Variants in NDUFS3 observed in about 807,000 individuals in gnomAD.
NDUFS3 encodes NADH dehydrogenase [ubiquinone] iron-sulfur protein 3, mitochondrial.
A neutral mutation model predicts 30.8 loss-of-function variants in NDUFS3; 19 were observed. The observed-to-expected ratio is 0.62, with a 90% confidence interval of 0.43 to 0.91. The LOEUF (loss-of-function observed/expected upper bound fraction) is 0.91, where lower values mean the gene tolerates loss of function less well. Among genes scored for constraint, NDUFS3 ranks in the 40% least tolerant of loss-of-function variants. NDUFS3 has a pLI of 0.00. For synonymous variants in NDUFS3, 153 were observed against 135.8 expected (o/e 1.13, Z -0.88); for missense variants, 331 against 342.0 (o/e 0.97, Z 0.25).
chr11:47,579,589 A>G (rs1315070470), intron 2 of NDUFS3: 4 of 601,310 alleles, frequency 6.7e-6, no homozygotes, highest in Non-Finnish European at 8.9e-6. Context: ...AGCAAGCAAT[A>G]TAACCTTTAG....
chr11:47,583,286 A>C (rs1279578169), intron 6 of NDUFS3, among the ~76,000 whole-genome samples: 2 of 152,118 alleles, frequency 1.3e-5, no homozygotes, highest in Non-Finnish European at 2.9e-5. Context: ...CCTGGGCTCA[A>C]GTCATCTGCC....
intron 6 of NDUFS3, 133 bp from the exon 7 acceptor site, chr11:47,584,181 A>G (rs1369791177): frequency 8.6e-7 from 1 of 1,167,412 alleles, no homozygotes; most frequent in Admixed American, 1.7e-5. Flanking sequence ...ACTTACTGAC[A>G]GAGGCTGGGA....
Position 47,582,320 on chromosome 11 carries a change from T to C in NDUFS3, c.508-29T>C, listed in dbSNP as rs760534586. On this transcript the variant is annotated intron_variant, in intron 5 of 6. Coordinates refer to ENST00000263774, the MANE Select transcript of NDUFS3 (RefSeq NM_004551.3). ...TCCCCCTGTTGTTAGTCTTGATGGA[T>C]TGGCTGTTTGAGGTGGTCTCTTTCC... The C allele has an allele frequency of 7.4e-6, 12 of 1,614,224 alleles. No individual in the cohort carries two copies. The Admixed American group carries it at 2.0e-4, about 27-fold the overall frequency.
chr11:47,582,137 A>T lies in NDUFS3; in HGVS notation c.431A>T (p.Lys144Met). Residue 144 changes from lysine (K) to methionine (M), a missense_variant, in exon 5 of 7, where the codon AAG (lysine) becomes ATG (methionine). Lys to Met is a moderately conservative substitution (Grantham distance 95). Coordinates refer to ENST00000263774, the MANE Select transcript of NDUFS3 (RefSeq NM_004551.3). ...CGCTTCAACTCACGGATCCGTGTGA[A>T]GACCTACACAGATGAGCTGACGCCC... ...SLRFNSRIRVKTYTDELTPIE... is the reference protein window; with the variant it reads ...SLRFNSRIRVMTYTDELTPIE... 2 of 1,614,096 alleles carry T rather than the reference A, an allele frequency of 1.2e-6. No homozygotes were observed. The highest frequency in any genetic ancestry group is 1.7e-6 in the Non-Finnish European group (2 of 1,179,980).
At chr11:47,581,919 G>A in intron 4 of NDUFS3, 169 bp from the exon 5 acceptor site, 1 of 860,872 alleles carries the variant, frequency 1.2e-6, no homozygotes, top group Non-Finnish European at 1.9e-6. Flanking sequence ...GCAAACACAG[G>A]CATGCTGACA....
At chr11:47,581,300 C>T in intron 4 of NDUFS3, 1 of 363,318 alleles carries the variant, frequency 2.8e-6, no homozygotes, top group South Asian at 2.3e-5. Context: ...ACTACAGGTG[C>T]ATGCCACCAC....
At chr11:47,580,695 G>A (rs757409590) in intron 3 of NDUFS3, 73 bp downstream of exon 3, 1 of 1,586,610 alleles carries the variant, frequency 6.3e-7, no homozygotes, top group Admixed American at 1.7e-5. Flanking sequence ...GGAGTGGGCA[G>A]ACTTGTTTCA....
chr11:47,582,596 G>C (rs538399591), intron 6 of NDUFS3, 128 bp downstream of exon 6: 2 of 1,451,244 alleles, frequency 1.4e-6, no homozygotes, highest in East Asian at 4.6e-5. Flanking sequence ...CCTGGATTCA[G>C]ATCCTAGCTT....
chr11:47,582,527 G>C (rs200717323), intron 6 of NDUFS3, 59 bp downstream of exon 6: 310 of 1,610,978 alleles, frequency 1.9e-4, no homozygotes, highest in Non-Finnish European at 3.0e-5. Flanking sequence ...GAACCCAGGG[G>C]ATCCCTGGGA....
At chr11:47,581,274 C>T (rs2097268684) in intron 4 of NDUFS3, 2 of 400,826 alleles carry the variant, frequency 5.0e-6, no homozygotes, top group Non-Finnish European at 9.4e-6. Context: ...CTGCCTCAGC[C>T]CCTTGAGTAG....
At chr11:47,584,258 T>G in intron 6 of NDUFS3, 56 bp from the exon 7 acceptor site, 1 of 1,610,956 alleles carries the variant, frequency 6.2e-7, no homozygotes, top group Non-Finnish European at 8.5e-7. Flanking sequence ...AGTAGGCTCC[T>G]GTGTAGCTAT....
At chr11:47,580,389 CT>C in intron 2 of NDUFS3, 135 bp from the exon 3 acceptor site, 1 of 821,928 alleles carries the variant, frequency 1.2e-6, no homozygotes, top group Non-Finnish European at 2.0e-6. Flanking sequence ...GAAGGGAAAC[CT>C]TTCACATGCA....
chr11:47,579,686 T>C (rs908871663), intron 2 of NDUFS3: 4 of 448,202 alleles, frequency 8.9e-6, no homozygotes, highest in Non-Finnish European at 1.6e-5. Flanking sequence ...TAGTGAATGA[T>C]CTTATTTCGT....
intron 2 of NDUFS3, among the ~76,000 whole-genome samples, chr11:47,580,203 T>TA (rs2097267716): frequency 6.6e-6 from 1 of 152,208 alleles, no homozygotes; most frequent in Non-Finnish European, 1.5e-5. Context: ...AAACAGCTCT[T>TA]AGTCTGACAG....
At position 47,582,381 on chromosome 11, in the gene NDUFS3, C is replaced by T. The variant is rs750546500; in HGVS notation, c.540C>T (p.Asn180=). The change falls in exon 6 of 7, where the codon AAC becomes AAT. Residue 180 remains asparagine, a synonymous_variant. Coordinates refer to ENST00000263774, the MANE Select transcript of NDUFS3 (RefSeq NM_004551.3). ...IWDMFGVFFA[N]HPDLRRILTD... ...ACATGTTTGGAGTCTTCTTTGCTAA[C>T]CACCCTGATCTAAGAAGGATCCTGA... The T allele has an allele frequency of 1.2e-6, 2 of 1,614,210 alleles. No individual in the cohort carries two copies. Among genetic ancestry groups the T allele is most frequent in the East Asian group, 4.5e-5 (2 of 44,888 alleles).
chr11:47,582,246 G>T (rs778029739), intron 5 of NDUFS3, 33 bp downstream of exon 5: 2 of 1,614,198 alleles, frequency 1.2e-6, no homozygotes, highest in Non-Finnish European at 1.7e-6. Context: ...CCTGCCTCTG[G>T]GCCACAGTTG....
rs753891410 is a variant in NDUFS3 at position 47,580,563 on chromosome 11, C to T, written c.172C>T (p.Leu58Phe). 1 of 1,614,222 alleles carries T rather than the reference C, an allele frequency of 6.2e-7. No homozygotes were observed. The highest frequency in any genetic ancestry group is 8.5e-7 in the Non-Finnish European group (1 of 1,180,042). ...ACGGAATGATGTGGCCCACAAGCAG[C>T]TCTCAGCTTTTGGAGAGTATGTGGC... ...RPRNDVAHKQ[L>F]SAFGEYVAEI... The change falls in exon 3 of 7, where the codon CTC becomes TTC. Residue 58 changes from leucine (L) to phenylalanine (F), a missense_variant. Transcript: ENST00000263774.
At chr11:47,581,387 C>A in intron 4 of NDUFS3, 2 of 279,990 alleles carry the variant, frequency 7.1e-6, no homozygotes, top group East Asian at 2.0e-4. Context: ...AATTTCCTGA[C>A]CTCGTGATCT....
chr11:47,582,527 G>A, intron 6 of NDUFS3, 59 bp downstream of exon 6: 6 of 1,611,096 alleles, frequency 3.7e-6, no homozygotes, highest in Non-Finnish European at 4.2e-6. Context: ...GAACCCAGGG[G>A]ATCCCTGGGA....
Sources: allele counts gnomAD v4.1 joint callset (sites outside exome capture counted in the v4.1 genomes callset), GRCh38; gene constraint gnomAD v4.1.1; transcripts MANE v1.5; gene names NCBI Gene and HGNC (gene_info 2026-07-23, HGNC 2026-07-21).